CFAP299: variants seen among roughly 807,000 people sequenced by gnomAD.
The protein encoded by CFAP299 is cilia and flagella associated protein 299.
Under a neutral mutation model 27.0 loss-of-function variants are expected in CFAP299, and 21 were observed. The observed-to-expected ratio is 0.78, with a 90% CI of 0.55 to 1.12. The LOEUF (loss-of-function observed/expected upper bound fraction) is 1.12. CFAP299 is among the 50% of genes most tolerant of loss of function. The probability of loss-of-function intolerance (pLI) is 0.00; values close to 1 mark genes in which losing one functional copy is unlikely to be tolerated. For missense variants in CFAP299, 310 were observed against 276.6 expected (o/e 1.12, Z -0.86); for synonymous variants, 104 against 98.1 (o/e 1.06, Z -0.36).
intron 3 of CFAP299, among the ~76,000 whole-genome samples, chr4:80,692,696 G>A (rs36148844): frequency 0.027 from 4,107 of 152,168 alleles, 195 homozygotes; most frequent in African/African-American, 0.092. Flanking sequence ...ATTGACAAAT[G>A]GGATCTAATT....
At chr4:80,412,864 G>A (rs549296601) in intron 2 of CFAP299, among the ~76,000 whole-genome samples, 74 of 151,992 alleles carry the variant, frequency 4.9e-4, no homozygotes, top group African/African-American at 1.6e-3. Flanking sequence ...CTTCCTTAAT[G>A]GGTATGCATC....
upstream of CFAP299, among the ~76,000 whole-genome samples, chr4:80,333,386 T>C (rs961611588): frequency 1.3e-5 from 2 of 152,192 alleles, no homozygotes; most frequent in Non-Finnish European, 2.9e-5. Flanking sequence ...ACAAATCTCT[T>C]GTCCTATTAG....
At chr4:80,563,448 A>G (rs1378315264) in intron 2 of CFAP299, among the ~76,000 whole-genome samples, 2 of 152,140 alleles carry the variant, frequency 1.3e-5, no homozygotes, top group African/African-American at 4.8e-5. Context: ...CTGAGTGACC[A>G]GTTGGTCAAT....
At chr4:80,453,841 AAATAATAATAATAAT>A (rs10692004) in intron 2 of CFAP299, among the ~76,000 whole-genome samples, 56 of 135,980 alleles carry the variant, frequency 4.1e-4, no homozygotes, top group Admixed American at 6.7e-4. Context: ...ACCCTGTCTC[AAATAATAATAATAAT>A]AATAATAATA....
At chr4:80,414,090 A>G (rs1390544245) in intron 2 of CFAP299, among the ~76,000 whole-genome samples, 1 of 43,746 alleles carries the variant, frequency 2.3e-5, no homozygotes, top group Non-Finnish European at 4.9e-5. Flanking sequence ...TTTTTTTTTG[A>G]GACGGAGTCT....
chr4:80,915,203 T>C (rs1229772288), intron 4 of CFAP299, among the ~76,000 whole-genome samples: 2 of 152,006 alleles, frequency 1.3e-5, no homozygotes, highest in Non-Finnish European at 2.9e-5. Flanking sequence ...TCAAATTATT[T>C]TTATTTGTAA....
At chr4:80,327,690 T>TTTTTTATA in the CFAP299 span, among the ~76,000 whole-genome samples, 1 of 51,242 alleles carries the variant, frequency 2.0e-5, no homozygotes, top group African/African-American at 6.8e-5. Flanking sequence ...TAGAGAGAAG[T>TTTTTTATA]TATATATATA....
intron 4 of CFAP299, among the ~76,000 whole-genome samples, chr4:80,928,804 G>T (rs1483021420): frequency 6.6e-6 from 1 of 151,988 alleles, no homozygotes. Context: ...ACCAAATTTT[G>T]GTGTTCATTT....
intron 2 of CFAP299, among the ~76,000 whole-genome samples, chr4:80,424,422 C>G (rs1347631835): frequency 6.6e-6 from 1 of 152,170 alleles, no homozygotes; most frequent in Non-Finnish European, 1.5e-5. Context: ...TTGTGGTCAT[C>G]ATCAGTAAAA....
intron 2 of CFAP299, among the ~76,000 whole-genome samples, chr4:80,559,081 A>G (rs1255849811): frequency 1.3e-5 from 2 of 152,090 alleles, no homozygotes; most frequent in African/African-American, 2.4e-5. Context: ...TTTCTGCTCC[A>G]TGTGGTATCT....
intron 2 of CFAP299, chr4:80,387,058 G>A: frequency 7.1e-7 from 1 of 1,417,858 alleles, no homozygotes; most frequent in Non-Finnish European, 1.0e-6. Context: ...TAGCAGTGTG[G>A]GCAGGGGAAG....
intron 3 of CFAP299, among the ~76,000 whole-genome samples, chr4:80,688,760 A>G (rs1720421494): frequency 6.6e-6 from 1 of 152,182 alleles, no homozygotes. Context: ...ACGGGAGGAC[A>G]TTCAAACCAA....
chr4:80,929,842 G>A (rs750555746), intron 4 of CFAP299, among the ~76,000 whole-genome samples: 1 of 152,136 alleles, frequency 6.6e-6, no homozygotes, highest in Non-Finnish European at 1.5e-5. Context: ...TCTGAGATCT[G>A]TTCTGTGGGT....
chr4:80,699,707 G>GCT (rs890691341), intron 3 of CFAP299, among the ~76,000 whole-genome samples: 22 of 152,084 alleles, frequency 1.4e-4, no homozygotes, highest in African/African-American at 5.1e-4. Context: ...TAAGTCTTCT[G>GCT]CTCAAGAGAC....
rs917512435 is a variant in CFAP299 at position 80,867,306 on chromosome 4, C to T, written c.334-2687C>T. Among the ~76,000 whole-genome samples, 7 of 152,038 alleles carry T rather than the reference C, an allele frequency of 4.6e-5. No individual in the cohort carries two copies. In the South Asian group the frequency reaches 1.0e-3, roughly 23 times the overall value. On this transcript the variant is annotated intron_variant, in intron 3 of 5. Coordinates refer to ENST00000358105, the MANE Select transcript of CFAP299 (RefSeq NM_152770.3). ...TGCTCTTTTTGGATAAAAACTCTCC[C>T]GTATGTATGTTTTTTGATCACTTAA...
At chr4:80,925,592 T>C (rs571991733) in intron 4 of CFAP299, among the ~76,000 whole-genome samples, 8 of 152,084 alleles carry the variant, frequency 5.3e-5, no homozygotes, top group South Asian at 2.1e-4. Flanking sequence ...AGATATATGA[T>C]ACTGACAAAT....
Position 80,880,068 on chromosome 4 carries a change from A to G in CFAP299, c.476+9933A>G, listed in dbSNP as rs1733615263. On this transcript the variant is annotated intron_variant, in intron 4 of 5. Transcript: ENST00000358105. Reference sequence around the variant, plus strand: ...GATGCACTGTCAAGAAAGTTCAGAAAATGAACATAAAAAATGAAGAATGGG... The same window carrying G: ...GATGCACTGTCAAGAAAGTTCAGAAGATGAACATAAAAAATGAAGAATGGG... 3.3e-5 allele frequency among the ~76,000 whole-genome samples: 5 copies of G among 152,260 alleles called. 1 individual carries two copies. The South Asian group carries it at 1.0e-3, about 32-fold the overall frequency.
chr4:80,545,618 CA>C (rs1364996606), intron 2 of CFAP299, among the ~76,000 whole-genome samples: 1 of 151,824 alleles, frequency 6.6e-6, no homozygotes, highest in Non-Finnish European at 1.5e-5. Flanking sequence ...CCTTATCAAC[CA>C]AAAAAAGTCC....
intron 2 of CFAP299, among the ~76,000 whole-genome samples, chr4:80,407,479 A>G (rs1052544008): frequency 1.3e-5 from 2 of 152,136 alleles, no homozygotes; most frequent in Admixed American, 1.3e-4. Context: ...TCTGCTCCAT[A>G]TGACCTCCTA....
Sources: allele counts gnomAD v4.1 joint callset (sites outside exome capture counted in the v4.1 genomes callset), GRCh38; gene constraint gnomAD v4.1.1; transcripts MANE v1.5; gene names NCBI Gene and HGNC (gene_info 2026-07-23, HGNC 2026-07-21).